The following CDKAL1 variants were observed in gnomAD, a reference collection of about 807,000 sequenced individuals.
The protein encoded by CDKAL1 is CDKAL1 threonylcarbamoyladenosine tRNA methylthiotransferase.
Under a neutral mutation model 68.2 loss-of-function variants are expected in CDKAL1, and 32 were observed. The ratio of observed to expected loss-of-function variants is 0.47; its 90% CI spans 0.35 to 0.63. The LOEUF (loss-of-function observed/expected upper bound fraction) is 0.63. CDKAL1 is among the 30% of genes least tolerant of loss of function. The probability of loss-of-function intolerance (pLI) is 0.00; values close to 1 mark genes in which losing one functional copy is unlikely to be tolerated. For synonymous variants in CDKAL1, 234 were observed against 244.3 expected (o/e 0.96, Z 0.39); for missense variants, 606 against 696.7 (o/e 0.87, Z 1.47).
intron 7 of CDKAL1, among the ~76,000 whole-genome samples, chr6:20,779,473 CACTT>C (rs1775318977): frequency 6.6e-6 from 1 of 152,192 alleles, no homozygotes; most frequent in African/African-American, 2.4e-5. Context: ...AATTTTAGAA[CACTT>C]ACATCACCCC....
intron 13 of CDKAL1, among the ~76,000 whole-genome samples, chr6:21,171,331 G>C (rs1582350011): frequency 6.6e-6 from 1 of 152,218 alleles, no homozygotes; most frequent in East Asian, 1.9e-4. Flanking sequence ...TCCTGCCTCA[G>C]CCTCCCGAGT....
chr6:20,977,034 G>A (rs777507846), intron 10 of CDKAL1, among the ~76,000 whole-genome samples: 4 of 152,168 alleles, frequency 2.6e-5, no homozygotes, highest in Non-Finnish European at 4.4e-5. Flanking sequence ...TGCTGGGTCA[G>A]AGTGGGCATA....
chr6:20,604,657 C>G (rs903975637), intron 4 of CDKAL1, among the ~76,000 whole-genome samples: 2 of 152,144 alleles, frequency 1.3e-5, no homozygotes, highest in East Asian at 1.9e-4. Context: ...CCCCATACCC[C>G]GTGATCTGAA....
chr6:20,576,285 C>T (rs1764904019), intron 4 of CDKAL1, among the ~76,000 whole-genome samples: 1 of 152,160 alleles, frequency 6.6e-6, no homozygotes, highest in Non-Finnish European at 1.5e-5. Context: ...GTCATTTTGG[C>T]TTAAGCTAGG....
chr6:20,738,139 G>T (rs1409380838), intron 5 of CDKAL1, among the ~76,000 whole-genome samples: 3 of 152,164 alleles, frequency 2.0e-5, no homozygotes, highest in African/African-American at 7.2e-5. Context: ...TGTAGTGGTG[G>T]GAGGAGGGAC....
At chr6:20,666,949 C>G (rs1469916913) in intron 5 of CDKAL1, among the ~76,000 whole-genome samples, 1 of 152,138 alleles carries the variant, frequency 6.6e-6, no homozygotes, top group Non-Finnish European at 1.5e-5. Context: ...CAGACATTAA[C>G]TAACTGAACA....
intron 8 of CDKAL1, among the ~76,000 whole-genome samples, chr6:20,798,191 G>A (rs1054337882): frequency 6.6e-6 from 1 of 151,980 alleles, no homozygotes; most frequent in East Asian, 1.9e-4. Context: ...GGATTTTTAG[G>A]GGTTAGAGAT....
chr6:20,720,697 A>G (rs771665994), intron 5 of CDKAL1, among the ~76,000 whole-genome samples: 98 of 152,022 alleles, frequency 6.4e-4, no homozygotes, highest in Non-Finnish European at 9.6e-4. Flanking sequence ...ACAGGGTTTC[A>G]CCATGTTGGC....
chr6:21,132,837 G>A (rs1775395963), intron 13 of CDKAL1, among the ~76,000 whole-genome samples: 1 of 152,054 alleles, frequency 6.6e-6, no homozygotes, highest in Non-Finnish European at 1.5e-5. Context: ...ACGGTATTTA[G>A]TGGCTGTTAG....
intron 13 of CDKAL1, among the ~76,000 whole-genome samples, chr6:21,115,547 GT>G: frequency 6.6e-6 from 1 of 152,336 alleles, no homozygotes; most frequent in South Asian, 2.1e-4. Flanking sequence ...GCAGCAGATT[GT>G]CCAAAGCCAT....
chr6:20,683,346 A>G (rs1770470053), intron 5 of CDKAL1, among the ~76,000 whole-genome samples: 1 of 152,140 alleles, frequency 6.6e-6, no homozygotes, highest in Non-Finnish European at 1.5e-5. Context: ...TTTTTGGAAG[A>G]TAGCTATTTT....
intron 5 of CDKAL1, among the ~76,000 whole-genome samples, chr6:20,689,608 G>A (rs1770781622): frequency 6.6e-6 from 1 of 152,070 alleles, no homozygotes; most frequent in Non-Finnish European, 1.5e-5. Flanking sequence ...ATTTTTAGGG[G>A]CAAAACTGTA....
chr6:20,862,925 G>C (rs1421091656), intron 9 of CDKAL1, among the ~76,000 whole-genome samples: 1 of 152,178 alleles, frequency 6.6e-6, no homozygotes, highest in Non-Finnish European at 1.5e-5. Context: ...TACTTGGAAG[G>C]CTGAGGCAGG....
chr6:20,566,357 C>G (rs1025723468), intron 4 of CDKAL1, among the ~76,000 whole-genome samples: 16 of 152,194 alleles, frequency 1.1e-4, no homozygotes, highest in Admixed American at 2.6e-4. Context: ...TTTCGATCCT[C>G]TGTGTTGGTT....
At chr6:20,545,987 A>G (rs1393859707) in intron 2 of CDKAL1, among the ~76,000 whole-genome samples, 1 of 152,234 alleles carries the variant, frequency 6.6e-6, no homozygotes, top group Non-Finnish European at 1.5e-5. Context: ...CAAAGAAGAA[A>G]CAATCAAGAA....
chr6:21,046,378 G>C lies in CDKAL1; in HGVS notation c.1056-18670G>C, dbSNP rs149881246. On this transcript the variant is annotated intron_variant, in intron 11 of 15. Coordinates refer to ENST00000274695, the MANE Select transcript of CDKAL1 (RefSeq NM_017774.3). Reference sequence around the variant, plus strand: ...CATTCAAGCCATACCCAGCATTCCAGCACTGCTGCCTGGGTATGTAAGAAG... The same window carrying C: ...CATTCAAGCCATACCCAGCATTCCACCACTGCTGCCTGGGTATGTAAGAAG... Among the ~76,000 whole-genome samples, 213 of 152,358 alleles carry C rather than the reference G, an allele frequency of 1.4e-3. 1 individual carries two copies. The highest frequency in any genetic ancestry group is 4.7e-3 in the African/African-American group (194 of 41,584).
chr6:21,066,015 C>A (rs1224875432), intron 12 of CDKAL1, among the ~76,000 whole-genome samples: 1 of 151,280 alleles, frequency 6.6e-6, no homozygotes, highest in Non-Finnish European at 1.5e-5. Flanking sequence ...TTGCACTAAC[C>A]TAAATTTTAA....
At chr6:21,151,541 A>G (rs769641447) in intron 13 of CDKAL1, among the ~76,000 whole-genome samples, 107 of 152,254 alleles carry the variant, frequency 7.0e-4, no homozygotes, top group Non-Finnish European at 9.7e-4. Context: ...TACTAAAATA[A>G]CGACTCCAAT....
At chr6:20,811,790 A>G (rs1463690439) in intron 8 of CDKAL1, among the ~76,000 whole-genome samples, 1 of 152,006 alleles carries the variant, frequency 6.6e-6, no homozygotes, top group African/African-American at 2.4e-5. Flanking sequence ...AGTAGTAAAA[A>G]AAAAAAAAAA....
Sources: allele counts gnomAD v4.1 joint callset (sites outside exome capture counted in the v4.1 genomes callset), GRCh38; gene constraint gnomAD v4.1.1; transcripts MANE v1.5; gene names NCBI Gene and HGNC (gene_info 2026-07-23, HGNC 2026-07-21).